The following CMSS1 variants were observed in gnomAD, a reference collection of about 807,000 sequenced individuals.
The protein encoded by CMSS1 is cms1 ribosomal small subunit homolog.
CMSS1 carries 33 observed loss-of-function variants against 43.5 expected under a neutral mutation model. That is an observed-to-expected ratio of 0.76 (90% CI 0.57 to 1.01). CMSS1 has a LOEUF of 1.01. CMSS1 is among the 50% of genes least tolerant of loss of function. The pLI is 0.00. For synonymous variants in CMSS1, 115 were observed against 117.2 expected (o/e 0.98, Z 0.12); for missense variants, 313 against 326.4 (o/e 0.96, Z 0.32).
chr3:100,150,227 T>G (rs1484760323), intron 2 of CMSS1, among the ~76,000 whole-genome samples: 2 of 152,224 alleles, frequency 1.3e-5, no homozygotes, highest in Non-Finnish European at 2.9e-5. Flanking sequence ...GTAAGTCCCT[T>G]GGGGCCAGGG....
intron 1 of CMSS1, among the ~76,000 whole-genome samples, chr3:100,026,540 G>T (rs140588464): frequency 6.2e-4 from 95 of 152,146 alleles, no homozygotes; most frequent in African/African-American, 2.1e-3. Context: ...TGGAAGTCTG[G>T]ATTATTAAAT....
At chr3:100,093,185 C>T (rs146277038) in intron 1 of CMSS1, among the ~76,000 whole-genome samples, 210 of 152,194 alleles carry the variant, frequency 1.4e-3, no homozygotes, top group African/African-American at 4.7e-3. Context: ...AAACAGGGAC[C>T]TCTGGCCTAA....
At chr3:100,006,458 C>T (rs969305061) in intron 1 of CMSS1, among the ~76,000 whole-genome samples, 2 of 152,018 alleles carry the variant, frequency 1.3e-5, no homozygotes, top group African/African-American at 4.8e-5. Flanking sequence ...TCCTATCTTT[C>T]AGTGCTTTTC....
At chr3:99,933,483 A>G (rs547839113) in intron 1 of CMSS1, among the ~76,000 whole-genome samples, 5 of 152,326 alleles carry the variant, frequency 3.3e-5, no homozygotes, top group African/African-American at 1.2e-4. Flanking sequence ...ATATTCATGT[A>G]CTACCACAGT....
intron 1 of CMSS1, among the ~76,000 whole-genome samples, chr3:99,987,131 G>A (rs978346559): frequency 1.4e-4 from 22 of 152,128 alleles, no homozygotes; most frequent in African/African-American, 5.1e-4. Context: ...TCAGGAGGCT[G>A]AGGCAGGAGG....
chr3:99,905,208 TC>T (rs1706574255), intron 1 of CMSS1, among the ~76,000 whole-genome samples: 1 of 152,212 alleles, frequency 6.6e-6, no homozygotes, highest in South Asian at 2.1e-4. Flanking sequence ...ACAGTATTTC[TC>T]CCCTGGGACT....
intron 1 of CMSS1, among the ~76,000 whole-genome samples, chr3:100,080,400 T>C (rs962112141): frequency 6.6e-6 from 1 of 152,188 alleles, no homozygotes; most frequent in African/African-American, 2.4e-5. Context: ...TCTCAGACTT[T>C]AGTGAGCATA....
In CMSS1 at chr3:100,178,340, A is replaced by C; in HGVS notation, c.792A>C (p.Gly264=). 6.2e-7 allele frequency: 1 copy of C among 1,613,224 alleles called. No individual in the cohort carries two copies. The highest frequency in any genetic ancestry group is 1.1e-5 in the South Asian group (1 of 91,030). Residue 264 remains glycine (G), a synonymous_variant, in exon 10 of 10, where the codon GGA becomes GGC. Coordinates refer to ENST00000421999, the MANE Select transcript of CMSS1 (RefSeq NM_032359.4). The part of the protein sequence containing the change: ...RKEVFELLEM[G]VLSLCKSESL... Reference sequence around the variant, plus strand: ...AGGTATTCGAACTTCTGGAAATGGGAGTGCTCAGTCTGTGCAAGTCAGAAT... The same window carrying C: ...AGGTATTCGAACTTCTGGAAATGGGCGTGCTCAGTCTGTGCAAGTCAGAAT...
chr3:99,918,874 A>G (rs1707038047), intron 1 of CMSS1, among the ~76,000 whole-genome samples: 1 of 152,338 alleles, frequency 6.6e-6, no homozygotes, highest in East Asian at 1.9e-4. Flanking sequence ...ACAAAGGTCA[A>G]ATGGAGATCT....
intron 1 of CMSS1, among the ~76,000 whole-genome samples, chr3:100,072,941 A>G (rs1406800035): frequency 2.0e-5 from 3 of 152,222 alleles, no homozygotes; most frequent in African/African-American, 4.8e-5. Flanking sequence ...GTCACAGGGT[A>G]GGGAGAATAA....
At chr3:99,861,757 A>G (rs1182709160) in intron 1 of CMSS1, among the ~76,000 whole-genome samples, 2 of 152,170 alleles carry the variant, frequency 1.3e-5, no homozygotes, top group African/African-American at 2.4e-5. Flanking sequence ...ACCAATAGGA[A>G]CGAGACAGTG....
chr3:99,868,524 C>G (rs1235362599), intron 1 of CMSS1, among the ~76,000 whole-genome samples: 2 of 152,200 alleles, frequency 1.3e-5, no homozygotes, highest in African/African-American at 4.8e-5. Context: ...AGGTTTGGCA[C>G]TGTGCCAACT....
chr3:99,963,316 T>G (rs1335108924), intron 1 of CMSS1, among the ~76,000 whole-genome samples: 5 of 152,224 alleles, frequency 3.3e-5, no homozygotes, highest in Non-Finnish European at 5.9e-5. Context: ...AAGTGCTTCT[T>G]GGGAACAGAA....
intron 1 of CMSS1, among the ~76,000 whole-genome samples, chr3:99,977,211 C>A (rs1030922919): frequency 5.9e-5 from 9 of 152,184 alleles, no homozygotes; most frequent in African/African-American, 2.2e-4. Context: ...ACAGGCAGCA[C>A]AGCCTGCAAA....
At chr3:100,024,008 C>G (rs1337978157) in intron 1 of CMSS1, among the ~76,000 whole-genome samples, 1 of 152,144 alleles carries the variant, frequency 6.6e-6, no homozygotes, top group Non-Finnish European at 1.5e-5. Context: ...TGGGTTCACT[C>G]CCCCTTCAGC....
At chr3:99,988,750 A>T (rs548299903) in intron 1 of CMSS1, among the ~76,000 whole-genome samples, 1 of 152,286 alleles carries the variant, frequency 6.6e-6, no homozygotes, top group South Asian at 2.1e-4. Flanking sequence ...TGCCTCTATA[A>T]CTTTTACAGA....
intron 1 of CMSS1, among the ~76,000 whole-genome samples, chr3:99,833,500 G>A (rs1479443946): frequency 1.3e-5 from 2 of 152,186 alleles, no homozygotes; most frequent in Non-Finnish European, 2.9e-5. Context: ...TGACTCTTTT[G>A]TTCTTCCACT....
At chr3:100,139,589 ATG>A (rs1559769123) in intron 1 of CMSS1, among the ~76,000 whole-genome samples, 1 of 134,712 alleles carries the variant, frequency 7.4e-6, no homozygotes, top group African/African-American at 2.8e-5. Context: ...GTGTATATAT[ATG>A]TGTGTGTATA....
chr3:99,902,309 G>A (rs1318868664), intron 1 of CMSS1, among the ~76,000 whole-genome samples: 1 of 152,138 alleles, frequency 6.6e-6, no homozygotes, highest in Non-Finnish European at 1.5e-5. Flanking sequence ...CAGCACCTGG[G>A]AAAGAGTCAG....
Sources: gnomAD v4.1 joint callset for allele counts (sites outside exome capture counted in the v4.1 genomes callset) on GRCh38, gnomAD v4.1.1 for gene constraint, MANE v1.5 for transcripts, NCBI Gene and HGNC (gene_info 2026-07-23, HGNC 2026-07-21) for gene names.